The following LRRIQ1 variants were observed in gnomAD, a reference collection of about 807,000 sequenced individuals.
LRRIQ1 encodes the protein leucine rich repeats and IQ motif containing 1, also known as leucine-rich repeat- and IQ domain-containing protein 1.
LRRIQ1 carries 210 observed loss-of-function variants against 211.9 expected under a neutral mutation model. The ratio of observed to expected loss-of-function variants is 0.99; its 90% CI spans 0.89 to 1.11. The LOEUF is 1.11. Ranked by LOEUF, LRRIQ1 falls within the 50% of genes most tolerant of loss-of-function variation. LRRIQ1 has a pLI of 0.00. For missense variants in LRRIQ1, 2,136 were observed against 1,939.5 expected (o/e 1.10, Z -1.90); for synonymous variants, 699 against 650.1 (o/e 1.08, Z -1.14).
At chr12:85,209,050 A>T (rs1893705377) in intron 24 of LRRIQ1, among the ~76,000 whole-genome samples, 1 of 152,186 alleles carries the variant, frequency 6.6e-6, no homozygotes, top group African/African-American at 2.4e-5. Context: ...TGAAAAAGGG[A>T]CCAGTCTAAG....
intron 8 of LRRIQ1, among the ~76,000 whole-genome samples, chr12:85,057,592 TC>T (rs1881276005): frequency 6.6e-6 from 1 of 152,060 alleles, no homozygotes; most frequent in South Asian, 2.1e-4. Context: ...GGATTTTATG[TC>T]CATGACCACT....
intron 11 of LRRIQ1, among the ~76,000 whole-genome samples, chr12:85,095,263 C>T (rs1258610365): frequency 6.6e-6 from 1 of 152,058 alleles, no homozygotes; most frequent in Non-Finnish European, 1.5e-5. Flanking sequence ...CCATATAGGG[C>T]TCTAATTATT....
At chr12:85,213,635 G>A (rs1317257685) in intron 24 of LRRIQ1, among the ~76,000 whole-genome samples, 1 of 151,920 alleles carries the variant, frequency 6.6e-6, no homozygotes, top group African/African-American at 2.4e-5. Flanking sequence ...CTTATGCAGG[G>A]TGTTTTCTGA....
At chr12:85,044,664 G>A (rs1879311667) in intron 3 of LRRIQ1, 54 bp from the exon 4 acceptor site, 7 of 830,126 alleles carry the variant, frequency 8.4e-6, no homozygotes, top group Non-Finnish European at 1.3e-5. Flanking sequence ...GAAATTTTGA[G>A]ATGTTGTATT....
intron 24 of LRRIQ1, chr12:85,162,759 C>G (rs1890954096): frequency 2.2e-6 from 1 of 455,954 alleles, no homozygotes; most frequent in East Asian, 7.0e-5. Flanking sequence ...TTCTTTCCCC[C>G]AAGTGAATTT....
At chr12:85,270,520 T>G in the LRRIQ1 span, among the ~76,000 whole-genome samples, 2 of 152,154 alleles carry the variant, frequency 1.3e-5, no homozygotes, top group South Asian at 4.1e-4. Context: ...CTTTCCATCT[T>G]CTAACAATCA....
intron 24 of LRRIQ1, among the ~76,000 whole-genome samples, chr12:85,204,550 C>G (rs1893450022): frequency 6.6e-6 from 1 of 152,198 alleles, no homozygotes; most frequent in Non-Finnish European, 1.5e-5. Context: ...TGCCCACGAC[C>G]ATGGGCACTC....
intron 24 of LRRIQ1, among the ~76,000 whole-genome samples, chr12:85,187,528 C>T (rs1295216833): frequency 1.3e-5 from 2 of 151,948 alleles, no homozygotes; most frequent in South Asian, 2.1e-4. Context: ...GTGGGTCAGC[C>T]GGGCGCGGTG....
chr12:85,103,689 T>G (rs1214318398), intron 13 of LRRIQ1, among the ~76,000 whole-genome samples: 1 of 151,736 alleles, frequency 6.6e-6, no homozygotes, highest in Non-Finnish European at 1.5e-5. Flanking sequence ...ACACTTATTC[T>G]TATTTAAATA....
chr12:85,103,571 A>G (rs1237717312), intron 13 of LRRIQ1, among the ~76,000 whole-genome samples: 1 of 151,772 alleles, frequency 6.6e-6, no homozygotes, highest in African/African-American at 2.4e-5. Context: ...TTTGTACCTT[A>G]AAAGTTTTGG....
chr12:85,209,046 A>G (rs1285151090), intron 24 of LRRIQ1, among the ~76,000 whole-genome samples: 2 of 152,188 alleles, frequency 1.3e-5, no homozygotes, highest in African/African-American at 4.8e-5. Flanking sequence ...ATAGTGAAAA[A>G]GGGACCAGTC....
chr12:85,080,169 A>G (rs754369276), intron 11 of LRRIQ1, among the ~76,000 whole-genome samples: 25 of 151,894 alleles, frequency 1.6e-4, no homozygotes, highest in Non-Finnish European at 2.9e-4. Flanking sequence ...AATATATTTT[A>G]TTGTATTCTA....
chr12:85,071,218 C>A (rs1315902638), intron 10 of LRRIQ1, among the ~76,000 whole-genome samples: 1 of 151,918 alleles, frequency 6.6e-6, no homozygotes, highest in Admixed American at 6.6e-5. Context: ...ATATATAATA[C>A]GTAAAACATA....
At chr12:85,198,860 A>G (rs983531889) in intron 24 of LRRIQ1, among the ~76,000 whole-genome samples, 6 of 151,692 alleles carry the variant, frequency 4.0e-5, no homozygotes, top group African/African-American at 4.8e-5. Context: ...GAGACACCGC[A>G]CCCGGCCGAT....
chr12:85,058,637 C>G (rs1881415970), intron 8 of LRRIQ1, among the ~76,000 whole-genome samples: 1 of 151,982 alleles, frequency 6.6e-6, no homozygotes, highest in South Asian at 2.1e-4. Flanking sequence ...CCAGCTGACT[C>G]TCTGTTCCTT....
chr12:85,184,852 T>A (rs1292817757), intron 24 of LRRIQ1, among the ~76,000 whole-genome samples: 2 of 152,032 alleles, frequency 1.3e-5, no homozygotes, highest in Non-Finnish European at 2.9e-5. Flanking sequence ...TTTGTACAGT[T>A]AATAAAGCTA....
intron 24 of LRRIQ1, among the ~76,000 whole-genome samples, chr12:85,218,997 T>G (rs1050803463): frequency 6.6e-6 from 1 of 152,040 alleles, no homozygotes; most frequent in Non-Finnish European, 1.5e-5. Flanking sequence ...ATCACTGAGG[T>G]TTTTTTGCAC....
At chr12:85,238,641 G>A (rs1393014725) in intron 26 of LRRIQ1, among the ~76,000 whole-genome samples, 1 of 151,810 alleles carries the variant, frequency 6.6e-6, no homozygotes, top group Non-Finnish European at 1.5e-5. Flanking sequence ...ACATAAAAAG[G>A]AAAACAATCA....
At chr12:85,253,308 T>G (rs1269153197) in intron 1 of LRRIQ1, among the ~76,000 whole-genome samples, 1 of 152,098 alleles carries the variant, frequency 6.6e-6, no homozygotes, top group Non-Finnish European at 1.5e-5. Flanking sequence ...GAATTTATCT[T>G]TAGTAAATTA....
Sources: allele counts gnomAD v4.1 joint callset (sites outside exome capture counted in the v4.1 genomes callset), GRCh38; gene constraint gnomAD v4.1.1; transcripts MANE v1.5; gene names NCBI Gene and HGNC (gene_info 2026-07-23, HGNC 2026-07-21).